The following PDE10A variants were observed in gnomAD, a reference collection of about 807,000 sequenced individuals.
The protein encoded by PDE10A is cAMP and cAMP-inhibited cGMP 3',5'-cyclic phosphodiesterase 10A.
In PDE10A, 39 loss-of-function variants were observed where a neutral mutation model predicts 97.7. The ratio of observed to expected loss-of-function variants is 0.40; its 90% CI spans 0.31 to 0.52. The LOEUF (loss-of-function observed/expected upper bound fraction) is 0.52. PDE10A is among the 20% of genes least tolerant of loss of function. PDE10A has a pLI of 0.56. For missense variants in PDE10A, 731 were observed against 1,047.8 expected (o/e 0.70, Z 4.17); for synonymous variants, 371 against 376.8 (o/e 0.98, Z 0.18).
At chr6:165,406,474 T>C (rs1336514262) in intron 13 of PDE10A, among the ~76,000 whole-genome samples, 1 of 152,154 alleles carries the variant, frequency 6.6e-6, no homozygotes, top group Non-Finnish European at 1.5e-5. Context: ...AGTGTTAAAC[T>C]TTCTGTTAAT....
At chr6:165,372,960 C>G (rs9459399) in intron 18 of PDE10A, among the ~76,000 whole-genome samples, 70,313 of 136,222 alleles carry the variant, frequency 0.52, 18,211 homozygotes, top group African/African-American at 0.69. Context: ...ACAAACCTGA[C>G]AAAAACAAGA....
intron 13 of PDE10A, among the ~76,000 whole-genome samples, chr6:165,412,801 C>T (rs1185643536): frequency 3.3e-5 from 5 of 152,058 alleles, no homozygotes; most frequent in Admixed American, 2.6e-4. Flanking sequence ...GTTGATTTAG[C>T]TCTATGAAAA....
chr6:165,559,037 C>T (rs1208508920), intron 1 of PDE10A, among the ~76,000 whole-genome samples: 1 of 152,058 alleles, frequency 6.6e-6, no homozygotes, highest in Admixed American at 6.6e-5. Flanking sequence ...ACTGGCTAAG[C>T]CTAGCCAACA....
At chr6:165,887,688 T>C (rs1781666182) in intron 1 of PDE10A, among the ~76,000 whole-genome samples, 1 of 152,164 alleles carries the variant, frequency 6.6e-6, no homozygotes, top group Admixed American at 6.5e-5. Context: ...ATCATGTTGG[T>C]TCTACCTTCA....
chr6:165,812,103 C>T (rs748277453), intron 1 of PDE10A, among the ~76,000 whole-genome samples: 15 of 152,038 alleles, frequency 9.9e-5, no homozygotes, highest in Non-Finnish European at 1.9e-4. Flanking sequence ...CTGCCCACCT[C>T]GGCCTCCCAA....
chr6:165,886,717 G>A (rs1252921440), intron 1 of PDE10A, among the ~76,000 whole-genome samples: 2 of 152,142 alleles, frequency 1.3e-5, no homozygotes, highest in East Asian at 1.9e-4. Context: ...ACTAACTAAG[G>A]CCATTGTTTT....
At chr6:165,757,462 C>T (rs1231481840) in intron 1 of PDE10A, among the ~76,000 whole-genome samples, 6 of 151,884 alleles carry the variant, frequency 4.0e-5, no homozygotes, top group Admixed American at 1.3e-4. Flanking sequence ...ATTTCTATGC[C>T]GACTTTATAA....
At chr6:165,597,491 A>G (rs3008010) in intron 1 of PDE10A, among the ~76,000 whole-genome samples, 29,574 of 152,166 alleles carry the variant, frequency 0.19, 3,442 homozygotes, top group African/African-American at 0.32. Flanking sequence ...GGTTTTGGCC[A>G]CAAAAATGTT....
At chr6:165,393,179 T>C (rs1785852292) in intron 15 of PDE10A, among the ~76,000 whole-genome samples, 1 of 152,204 alleles carries the variant, frequency 6.6e-6, no homozygotes, top group Non-Finnish European at 1.5e-5. Context: ...AAAGGGTATT[T>C]TGAGCTAATA....
chr6:165,882,957 C>T (rs35677738), intron 1 of PDE10A, among the ~76,000 whole-genome samples: 5,529 of 152,246 alleles, frequency 0.036, 118 homozygotes, highest in Middle Eastern at 0.054. Context: ...GGATTTGCGC[C>T]GGGTATGGTG....
chr6:165,780,925 C>G (rs1282350255), intron 1 of PDE10A: 1 of 152,230 alleles, frequency 6.6e-6, no homozygotes, highest in Admixed American at 6.5e-5. Context: ...GGCTTTTCCC[C>G]ACCAAGCCCA....
intron 2 of PDE10A, among the ~76,000 whole-genome samples, chr6:165,531,512 G>A (rs900690594): frequency 6.6e-6 from 1 of 152,078 alleles, no homozygotes; most frequent in Non-Finnish European, 1.5e-5. Context: ...CATAAATGTA[G>A]ACTAAATGTT....
chr6:165,586,124 C>T (rs1259368013), intron 1 of PDE10A, among the ~76,000 whole-genome samples: 5 of 152,186 alleles, frequency 3.3e-5, no homozygotes, highest in African/African-American at 1.2e-4. Context: ...CCCCCTTTTG[C>T]TTTGGAAAAC....
chr6:165,449,025 C>G (rs765750654), intron 4 of PDE10A, 48 bp from the exon 5 acceptor site: 1 of 1,389,532 alleles, frequency 7.2e-7, no homozygotes, highest in African/African-American at 1.4e-5. Flanking sequence ...GTGGGAGAAT[C>G]TAACATGTAT....
intron 1 of PDE10A, among the ~76,000 whole-genome samples, chr6:165,933,807 G>T (rs1202380142): frequency 1.3e-5 from 2 of 152,112 alleles, no homozygotes; most frequent in Non-Finnish European, 2.9e-5. Context: ...AAACATACAG[G>T]GAGACATCTC....
chr6:165,746,850 T>C (rs1294406266), intron 1 of PDE10A, among the ~76,000 whole-genome samples: 2 of 152,166 alleles, frequency 1.3e-5, no homozygotes, highest in African/African-American at 2.4e-5. Context: ...TTATAGAAAA[T>C]TGCAAGTTTT....
At chr6:165,470,922 A>G (rs1469490117) in intron 3 of PDE10A, among the ~76,000 whole-genome samples, 1 of 152,056 alleles carries the variant, frequency 6.6e-6, no homozygotes, top group Non-Finnish European at 1.5e-5. Context: ...CTAAAACAAA[A>G]CCGGAGCTTT....
chr6:165,874,500 A>G (rs1781283133), intron 1 of PDE10A, among the ~76,000 whole-genome samples: 1 of 152,246 alleles, frequency 6.6e-6, no homozygotes, highest in African/African-American at 2.4e-5. Flanking sequence ...GTGCAATATA[A>G]GAAGGATGAC....
At chr6:165,619,418 T>TCTAGC (rs1562634787) in intron 1 of PDE10A, among the ~76,000 whole-genome samples, 2 of 104,972 alleles carry the variant, frequency 1.9e-5, no homozygotes. Context: ...TCTAGTGTAG[T>TCTAGC]GTAGTGTAGT....
Sources: allele counts gnomAD v4.1 joint callset (sites outside exome capture counted in the v4.1 genomes callset), GRCh38; gene constraint gnomAD v4.1.1; transcripts MANE v1.5; gene names NCBI Gene and HGNC (gene_info 2026-07-23, HGNC 2026-07-21).